SIRT5: variants seen among roughly 807,000 people sequenced by gnomAD.
The protein encoded by SIRT5 is sirtuin 5.
Under a neutral mutation model 40.0 loss-of-function variants are expected in SIRT5, and 26 were observed. The ratio of observed to expected loss-of-function variants is 0.65; its 90% CI spans 0.48 to 0.90. SIRT5 has a LOEUF of 0.90. Among genes scored for constraint, SIRT5 ranks in the 40% least tolerant of loss-of-function variants. SIRT5 has a pLI of 0.00. For missense variants in SIRT5, 401 were observed against 402.4 expected (o/e 1.00, Z 0.03); for synonymous variants, 146 against 149.1 (o/e 0.98, Z 0.15).
intron 4 of SIRT5, among the ~76,000 whole-genome samples, chr6:13,589,781 C>T (rs116519907): frequency 0.011 from 1,700 of 152,276 alleles, 26 homozygotes; most frequent in African/African-American, 0.039. Flanking sequence ...GGATTAGCAG[C>T]AGCAGAGGGT....
At chr6:13,600,734 C>A (rs1762264900) in intron 8 of SIRT5, 100 bp from the exon 9 acceptor site, 1 of 906,862 alleles carries the variant, frequency 1.1e-6, no homozygotes, top group Admixed American at 2.5e-5. Context: ...CTCACACCTG[C>A]AACCACAGAC....
chr6:13,614,061 CAG>C lies in SIRT5; in HGVS notation c.*2198_*2199del, dbSNP rs1190720700. ...TTTAAATTGAGAATTGCTTCTAAAACAGAAGACATGAAAAGAGAATTAAAAAT... is the reference window on the plus strand; with the variant it reads ...TTTAAATTGAGAATTGCTTCTAAAACAAGACATGAAAAGAGAATTAAAAAT... On this transcript the variant is annotated 3_prime_UTR_variant, in exon 10 of 10. Transcript: ENST00000606117. The C allele has an allele frequency of 3.3e-5, 5 of 152,166 alleles. No homozygotes were observed. The highest frequency in any genetic ancestry group is 2.6e-4 in the Admixed American group (4 of 15,294). 9.4% of individuals were successfully genotyped at this position (152,166 alleles called of 1,614,324 possible). A position where few individuals can be genotyped will look rare whatever the true frequency, so the allele number is the denominator to read the frequency against.
intron 9 of SIRT5, among the ~76,000 whole-genome samples, chr6:13,609,617 G>A (rs574857750): frequency 1.4e-4 from 22 of 152,304 alleles, no homozygotes; most frequent in African/African-American, 5.1e-4. Flanking sequence ...GTATCAAAGT[G>A]ACTTAGATCC....
intron 9 of SIRT5, chr6:13,605,417 AT>A (rs751999836): frequency 5.1e-6 from 5 of 985,426 alleles, no homozygotes; most frequent in Non-Finnish European, 6.0e-6. Context: ...GAAAAAAAAA[AT>A]GGAATAATGT....
At chr6:13,603,094 G>A (rs909125326) in intron 9 of SIRT5, among the ~76,000 whole-genome samples, 3 of 151,952 alleles carry the variant, frequency 2.0e-5, no homozygotes, top group South Asian at 2.1e-4. Context: ...TGGTTAACAC[G>A]GTGAAACCCC....
chr6:13,605,824 G>A (rs137963301), intron 9 of SIRT5: 16 of 985,440 alleles, frequency 1.6e-5, no homozygotes, highest in Middle Eastern at 1.0e-3. Flanking sequence ...TGGGACTGTC[G>A]CTGCAGGGAG....
chr6:13,603,860 G>T (rs1762743680), intron 9 of SIRT5, among the ~76,000 whole-genome samples: 1 of 152,164 alleles, frequency 6.6e-6, no homozygotes, highest in Non-Finnish European at 1.5e-5. Context: ...CTATATTTTA[G>T]CCATAAAAAG....
chr6:13,594,914 A>G (rs1313013442), intron 5 of SIRT5, among the ~76,000 whole-genome samples: 1 of 152,220 alleles, frequency 6.6e-6, no homozygotes, highest in African/African-American at 2.4e-5. Context: ...TTTTGTATAA[A>G]AGATTCAAGC....
At chr6:13,601,143 A>G (rs751247255) in intron 9 of SIRT5, among the ~76,000 whole-genome samples, 194 bp downstream of exon 9, 7 of 152,194 alleles carry the variant, frequency 4.6e-5, no homozygotes, top group Non-Finnish European at 1.0e-4. Flanking sequence ...CTGTCATTGT[A>G]TGCGAAATTT....
At chr6:13,583,724 A>C (rs1362730062) in intron 2 of SIRT5, among the ~76,000 whole-genome samples, 2 of 152,254 alleles carry the variant, frequency 1.3e-5, no homozygotes, top group Non-Finnish European at 2.9e-5. Context: ...GTCCACCCCC[A>C]GAGTTTCTGA....
At chr6:13,577,669 C>T (rs1240713269) in intron 1 of SIRT5, among the ~76,000 whole-genome samples, 1 of 148,030 alleles carries the variant, frequency 6.8e-6, no homozygotes, top group Non-Finnish European at 1.5e-5. Flanking sequence ...ATTTATATAT[C>T]CCTATAGATC....
intron 9 of SIRT5, 42 bp from the exon 10 acceptor site, chr6:13,611,748 A>G: frequency 6.9e-7 from 1 of 1,449,700 alleles, no homozygotes; most frequent in Non-Finnish European, 9.7e-7. Context: ...CATTTTGCTA[A>G]CCTGTAGTTC....
chr6:13,592,228 C>T (rs1253108699), intron 5 of SIRT5, among the ~76,000 whole-genome samples: 1 of 152,166 alleles, frequency 6.6e-6, no homozygotes, highest in East Asian at 1.9e-4. Context: ...CCCACTGAAT[C>T]AGAATCTGCA....
At chr6:13,605,938 A>G (rs1763045780) in intron 9 of SIRT5, among the ~76,000 whole-genome samples, 1 of 152,242 alleles carries the variant, frequency 6.6e-6, no homozygotes, top group African/African-American at 2.4e-5. Flanking sequence ...GAATTTAATT[A>G]AAGTCCACAA....
At chr6:13,611,220 TATATATATATATATATACACAC>T (rs1214226428) in intron 9 of SIRT5, among the ~76,000 whole-genome samples, 1,357 of 135,188 alleles carry the variant, frequency 0.01, 39 homozygotes, top group African/African-American at 0.035. Context: ...TATATATATA[TATATATATATATATATACACAC>T]ACACATACAC....
intron 9 of SIRT5, chr6:13,604,730 G>C (rs201799995): frequency 7.3e-5 from 97 of 1,337,826 alleles, no homozygotes; most frequent in Non-Finnish European, 8.7e-5. Context: ...GTTCAGGAGA[G>C]ATTCTTGGCA....
At chr6:13,593,112 A>G (rs985086260) in intron 5 of SIRT5, among the ~76,000 whole-genome samples, 4 of 151,744 alleles carry the variant, frequency 2.6e-5, no homozygotes, top group African/African-American at 9.7e-5. Context: ...GTGTCTCACC[A>G]TGTTGTCCAG....
In SIRT5 at chr6:13,600,954, T is replaced by C. The variant is rs1399806370; in HGVS notation, c.857+5T>C. The C allele has an allele frequency of 2.5e-6, 4 of 1,607,412 alleles. No homozygotes were observed. The highest frequency in any genetic ancestry group is 3.3e-4 in the Middle Eastern group (2 of 6,054). ...CCCAGCTACGAACAGATTCAGGTAC[T>C]GGGATACCCTGATGGGAGAGGGAGA... On this transcript the variant is annotated splice_donor_5th_base_variant and intron_variant, in intron 9 of 9. Transcript: ENST00000606117.
chr6:13,608,449 G>T (rs1763402071), intron 9 of SIRT5, among the ~76,000 whole-genome samples: 1 of 152,080 alleles, frequency 6.6e-6, no homozygotes, highest in Admixed American at 6.5e-5. Context: ...AGCCAGGCGT[G>T]GTGGTCCACA....
Sources: allele counts gnomAD v4.1 joint callset (sites outside exome capture counted in the v4.1 genomes callset), GRCh38; gene constraint gnomAD v4.1.1; transcripts MANE v1.5; gene names NCBI Gene and HGNC (gene_info 2026-07-23, HGNC 2026-07-21).